The following CFAP300 variants were observed in gnomAD, a reference collection of about 807,000 sequenced individuals.
CFAP300 encodes the protein cilia and flagella associated protein 300.
Under a neutral mutation model 33.0 loss-of-function variants are expected in CFAP300, and 32 were observed. The observed-to-expected ratio is 0.97, with a 90% confidence interval of 0.73 to 1.30. CFAP300 has a LOEUF of 1.30. Ranked by LOEUF, CFAP300 falls within the 50% of genes most tolerant of loss-of-function variation. The probability of loss-of-function intolerance (pLI) is 0.00; values close to 1 mark genes in which losing one functional copy is unlikely to be tolerated. For synonymous variants in CFAP300, 102 were observed against 106.8 expected (o/e 0.95, Z 0.28); for missense variants, 356 against 318.1 (o/e 1.12, Z -0.90).
intron 2 of CFAP300, among the ~76,000 whole-genome samples, chr11:102,048,290 C>T (rs1192257940): frequency 2.6e-5 from 4 of 152,072 alleles, no homozygotes; most frequent in Non-Finnish European, 5.9e-5. Flanking sequence ...GAATAAAGTG[C>T]AGTAGCACCA....
At chr11:102,066,142 T>G (rs369751223) in intron 3 of CFAP300, among the ~76,000 whole-genome samples, 132 of 152,084 alleles carry the variant, frequency 8.7e-4, no homozygotes, top group African/African-American at 2.7e-3. Context: ...GCCTGGCTAA[T>G]TTTTGTATTT....
intron 3 of CFAP300, among the ~76,000 whole-genome samples, chr11:102,065,869 C>A (rs1192556125): frequency 1.3e-5 from 2 of 151,994 alleles, no homozygotes; most frequent in African/African-American, 4.8e-5. Context: ...ATAATATATG[C>A]ATTAAGAATC....
Position 102,073,889 on chromosome 11 carries a change from AG to A in CFAP300, c.436-1981del, listed in dbSNP as rs1942355751. 1.3e-5 allele frequency among the ~76,000 whole-genome samples: 2 copies of A among 152,138 alleles called. 1 individual carries two copies. The highest frequency in any genetic ancestry group is 4.1e-4 in the South Asian group (2 of 4,826). On this transcript the variant is annotated intron_variant, in intron 4 of 6. Coordinates refer to ENST00000434758, the MANE Select transcript of CFAP300 (RefSeq NM_032930.3). ...GCTGTGGGTGGGAGATCCCATCTTC[AG>A]GGAACATGCAAGTGCGTGGTAGACC...
Position 102,076,193 on chromosome 11 carries a change from C to G in CFAP300, c.608+148C>G, listed in dbSNP as rs374908360. The G allele has an allele frequency of 7.3e-4, 517 of 710,494 alleles. 2 individuals are homozygous for G. In the African/African-American group the frequency reaches 7.7e-3, roughly 11 times the overall value. 44.0% of individuals were successfully genotyped at this position (710,494 alleles called of 1,614,324 possible). The stretch of plus-strand genomic sequence containing the variant: ...TCTACCCTTACCCCCCTCTCATAAC[C>G]TTCCCCCTCTCTTCCAGAATAGAAA... On this transcript the variant is annotated intron_variant, in intron 5 of 6. Transcript: ENST00000434758.
At chr11:102,048,644 C>T (rs1038494168) in intron 2 of CFAP300, among the ~76,000 whole-genome samples, 2 of 152,184 alleles carry the variant, frequency 1.3e-5, no homozygotes, top group African/African-American at 4.8e-5. Context: ...GCTCTACCAA[C>T]AGTTCCAAAT....
intron 2 of CFAP300, among the ~76,000 whole-genome samples, chr11:102,056,220 GATAGAC>G (rs1429208911): frequency 6.6e-6 from 1 of 152,088 alleles, no homozygotes; most frequent in Admixed American, 6.5e-5. Context: ...TTTTTTTACT[GATAGAC>G]ATTGAAATTG....
rs2135046891 is a variant in CFAP300 at position 102,075,900 on chromosome 11, T to C, written c.463T>C (p.Tyr155His). ...RVLLVEDSEK[Y>H]EIFSQPDREE... ...TTTGCTAGTGGAAGACTCAGAAAAA[T>C]ATGAAATATTCAGCCAACCAGATAG... Residue 155 changes from tyrosine (Y) to histidine (H), a missense_variant, in exon 5 of 7, where the codon TAT becomes CAT. Physicochemically the swap from Tyr to His is moderately conservative, Grantham distance 83. Coordinates refer to ENST00000434758, the MANE Select transcript of CFAP300 (RefSeq NM_032930.3). The C allele has an allele frequency of 1.9e-6, 3 of 1,612,472 alleles. No individual in the cohort carries two copies. Among genetic ancestry groups the C allele is most frequent in the Middle Eastern group, 1.7e-4 (1 of 6,052 alleles).
At chr11:102,047,757 G>T in intron 1 of CFAP300, 58 bp from the exon 2 acceptor site, 1 of 1,584,648 alleles carries the variant, frequency 6.3e-7, no homozygotes, top group South Asian at 1.1e-5. Flanking sequence ...ATCGGTTATC[G>T]GTGCGCTCTG....
chr11:102,048,946 T>G (rs942878023), intron 2 of CFAP300, among the ~76,000 whole-genome samples: 1 of 152,182 alleles, frequency 6.6e-6, no homozygotes, highest in Non-Finnish European at 1.5e-5. Context: ...GGGCCTATCA[T>G]GTGCTAGGAA....
chr11:102,068,190 C>CTGT (rs143419898), intron 4 of CFAP300, among the ~76,000 whole-genome samples: 4,676 of 152,218 alleles, frequency 0.031, 153 homozygotes, highest in Admixed American at 0.091. Context: ...TTAATTACTA[C>CTGT]TGTTATTATT....
chr11:102,079,058 T>A (rs1422417072), intron 5 of CFAP300, among the ~76,000 whole-genome samples: 2 of 152,230 alleles, frequency 1.3e-5, no homozygotes, highest in Non-Finnish European at 2.9e-5. Context: ...TGTTCTGATA[T>A]CAAATACTAA....
At chr11:102,068,978 C>T (rs60690617) in intron 4 of CFAP300, among the ~76,000 whole-genome samples, 8,563 of 152,152 alleles carry the variant, frequency 0.056, 374 homozygotes, top group African/African-American at 0.1. Context: ...TCTAAAGACC[C>T]TTACCTCTAA....
rs189265728 is a variant in CFAP300 at position 102,069,616 on chromosome 11, A to C, written c.435+2965A>C. 2.0e-3 allele frequency among the ~76,000 whole-genome samples: 301 copies of C among 152,240 alleles called. 1 individual carries two copies. The highest frequency in any genetic ancestry group is 4.0e-3 in the Admixed American group (61 of 15,294). ...CCAGGAGTATAAGACTAGCCTGGCC[A>C]ACATGGTGAAAACCAGACTCTATTA... On this transcript the variant is annotated intron_variant, in intron 4 of 6. Coordinates refer to ENST00000434758, the MANE Select transcript of CFAP300 (RefSeq NM_032930.3).
intron 2 of CFAP300, among the ~76,000 whole-genome samples, chr11:102,055,821 C>T (rs549281722): frequency 2.0e-5 from 3 of 151,834 alleles, no homozygotes; most frequent in South Asian, 2.1e-4. Context: ...TACAGGCGCC[C>T]GCCACCACGC....
chr11:102,066,829 A>G (rs542039802), intron 4 of CFAP300, among the ~76,000 whole-genome samples, 178 bp downstream of exon 4: 12 of 152,324 alleles, frequency 7.9e-5, no homozygotes, highest in Admixed American at 1.3e-4. Context: ...CACTTTAACC[A>G]TCAACTTAAT....
intron 2 of CFAP300, 32 bp from the exon 3 acceptor site, chr11:102,058,848 T>C (rs1454547868): frequency 1.1e-5 from 14 of 1,224,448 alleles, no homozygotes; most frequent in Non-Finnish European, 1.5e-5. Flanking sequence ...TAATAAAATA[T>C]CTAACTTATT....
intron 1 of CFAP300, 116 bp downstream of exon 1, chr11:102,047,696 C>T: frequency 1.4e-6 from 2 of 1,449,500 alleles, no homozygotes; most frequent in Non-Finnish European, 1.9e-6. Context: ...AACCCTGAGG[C>T]TTCCTGAGTG....
chr11:102,054,571 A>G (rs1942021190), intron 2 of CFAP300, among the ~76,000 whole-genome samples: 1 of 152,024 alleles, frequency 6.6e-6, no homozygotes, highest in Non-Finnish European at 1.5e-5. Context: ...TCTATTAAAA[A>G]TACAAAAATT....
chr11:102,083,262 CTT>C lies in CFAP300; in HGVS notation c.*64_*65del. 1 of 1,215,602 alleles carries C rather than the reference CTT, an allele frequency of 8.2e-7. No homozygotes were observed. Among genetic ancestry groups the C allele is most frequent in the Non-Finnish European group, 1.1e-6 (1 of 931,538 alleles). 75.3% of individuals were successfully genotyped at this position (1,215,602 alleles called of 1,614,324 possible). A position where few individuals can be genotyped will look rare whatever the true frequency, so the allele number is the denominator to read the frequency against. On this transcript the variant is annotated 3_prime_UTR_variant, in exon 7 of 7. Coordinates refer to ENST00000434758, the MANE Select transcript of CFAP300 (RefSeq NM_032930.3). ...TATCATTTTTCTATCTTAATACTAA[CTT>C]ATAGATAAACATATACTTTGCAAAT...
Sources: gnomAD v4.1 joint callset for allele counts (sites outside exome capture counted in the v4.1 genomes callset) on GRCh38, gnomAD v4.1.1 for gene constraint, MANE v1.5 for transcripts, NCBI Gene and HGNC (gene_info 2026-07-23, HGNC 2026-07-21) for gene names.